The following RNF216 variants were observed in gnomAD, a reference collection of about 807,000 sequenced individuals.
RNF216 encodes the protein ring finger protein 216, also known as E3 ubiquitin-protein ligase RNF216.
A neutral mutation model predicts 110.8 loss-of-function variants in RNF216; 72 were observed. That is an observed-to-expected ratio of 0.65 (90% CI 0.54 to 0.79). RNF216 has a LOEUF of 0.79. Among genes scored for constraint, RNF216 ranks in the 30% least tolerant of loss-of-function variants. The pLI is 0.00. For synonymous variants in RNF216, 495 were observed against 407.5 expected (o/e 1.21, Z -2.59); for missense variants, 1,342 against 1,141.2 (o/e 1.18, Z -2.54).
chr7:5,696,177 T>C lies in RNF216; in HGVS notation c.2061+15584A>G, dbSNP rs1241614710. Among the ~76,000 whole-genome samples, 1 of 152,108 alleles carries C rather than the reference T, an allele frequency of 6.6e-6. No individual in the cohort carries two copies. The highest frequency in any genetic ancestry group is 2.4e-5 in the African/African-American group (1 of 41,426). On this transcript the variant is annotated intron_variant, in intron 13 of 16. Coordinates refer to ENST00000389902, the MANE Select transcript of RNF216 (RefSeq NM_207111.4). This position sits in a 1 kb window ranked among gnomAD's most constrained non-coding sequence, Gnocchi z 5.4. ...CAGTCCATGTGGTGACGAAGAGCAG[T>C]TGGTACCGCATGGCTTTAAATTGTT...
intron 4 of RNF216, among the ~76,000 whole-genome samples, 186 bp downstream of exon 4, chr7:5,740,787 T>C (rs1387702695): frequency 6.6e-6 from 1 of 151,988 alleles, no homozygotes; most frequent in African/African-American, 2.4e-5. Context: ...TTAAGTATAG[T>C]AAAGGAACCC....
At chr7:5,703,029 T>C (rs1322461641) in intron 13 of RNF216, among the ~76,000 whole-genome samples, 1 of 152,162 alleles carries the variant, frequency 6.6e-6, no homozygotes, top group Non-Finnish European at 1.5e-5. Flanking sequence ...CCTGAAGCTC[T>C]TCAGAGGGAC....
At chr7:5,717,704 T>C (rs144112683) in intron 9 of RNF216, among the ~76,000 whole-genome samples, 149 of 152,328 alleles carry the variant, frequency 9.8e-4, no homozygotes, top group Admixed American at 3.1e-3. Context: ...AAAATCCCTA[T>C]GAATTGCTGC....
intron 14 of RNF216, 105 bp downstream of exon 14, chr7:5,652,308 G>A: frequency 2.6e-6 from 2 of 780,612 alleles, no homozygotes; most frequent in Non-Finnish European, 4.5e-6. Flanking sequence ...AGACTGGGGT[G>A]GCTCAAGCGT....
chr7:5,735,958 T>C (rs1189632026), intron 5 of RNF216, among the ~76,000 whole-genome samples: 1 of 152,176 alleles, frequency 6.6e-6, no homozygotes, highest in Non-Finnish European at 1.5e-5. Context: ...CCAGACATGA[T>C]GGCGCATGCC....
chr7:5,641,897 G>A (rs1283480980), intron 14 of RNF216, among the ~76,000 whole-genome samples: 1 of 151,818 alleles, frequency 6.6e-6, no homozygotes, highest in Non-Finnish European at 1.5e-5. Flanking sequence ...GCCAGGCGTG[G>A]TAGTGCACAC....
intron 3 of RNF216, among the ~76,000 whole-genome samples, chr7:5,747,772 AAAAG>A (rs139790780): frequency 0.46 from 38,066 of 82,470 alleles, 13,346 homozygotes; most frequent in East Asian, 0.77. Context: ...AAAAAAAAAA[AAAAG>A]GGGAAAAAAA....
At chr7:5,638,311 T>A (rs997073784) in intron 15 of RNF216, among the ~76,000 whole-genome samples, 3 of 152,262 alleles carry the variant, frequency 2.0e-5, no homozygotes, top group Admixed American at 2.0e-4. Flanking sequence ...TTTTTTGGGA[T>A]ATTTAAATGG....
At chr7:5,660,920 G>A (rs1013732251) in intron 13 of RNF216, among the ~76,000 whole-genome samples, 10 of 143,630 alleles carry the variant, frequency 7.0e-5, no homozygotes, top group African/African-American at 2.7e-4. Flanking sequence ...CACAGTACTA[G>A]CTCCATGCTC....
chr7:5,703,422 C>T (rs1242031647), intron 13 of RNF216, among the ~76,000 whole-genome samples: 1 of 152,236 alleles, frequency 6.6e-6, no homozygotes, highest in Admixed American at 6.5e-5. Flanking sequence ...GCATTGATAG[C>T]TGGTCCACAC....
At chr7:5,685,559 T>C (rs1368620691) in intron 13 of RNF216, among the ~76,000 whole-genome samples, 1 of 152,170 alleles carries the variant, frequency 6.6e-6, no homozygotes, top group Non-Finnish European at 1.5e-5. Context: ...TTCTATTACT[T>C]TTTCCTCTTT....
intron 14 of RNF216, among the ~76,000 whole-genome samples, chr7:5,648,276 T>C (rs1200397291): frequency 6.6e-6 from 1 of 151,904 alleles, no homozygotes; most frequent in African/African-American, 2.4e-5. Flanking sequence ...CTGGGTAATT[T>C]TGTATTTTTA....
intron 13 of RNF216, among the ~76,000 whole-genome samples, chr7:5,660,942 G>C (rs1386668839): frequency 1.7e-5 from 2 of 120,986 alleles, no homozygotes; most frequent in African/African-American, 8.5e-5. Context: ...TGAAGCCTTA[G>C]GTTTTTTTTT....
chr7:5,656,477 C>T (rs1478947649), intron 13 of RNF216, among the ~76,000 whole-genome samples: 1 of 152,142 alleles, frequency 6.6e-6, no homozygotes. Context: ...ACTTTCTATC[C>T]CCTTGTGCCT....
chr7:5,650,609 A>G (rs1788329705), intron 14 of RNF216, among the ~76,000 whole-genome samples: 1 of 152,096 alleles, frequency 6.6e-6, no homozygotes, highest in Admixed American at 6.6e-5. Context: ...GGGTTTTCCC[A>G]ACTTCTACAG....
intron 13 of RNF216, among the ~76,000 whole-genome samples, chr7:5,710,046 G>C (rs1344348501): frequency 2.0e-5 from 3 of 152,178 alleles, no homozygotes; most frequent in Non-Finnish European, 4.4e-5. Flanking sequence ...GAGCCACTGG[G>C]CAACCAATGC....
intron 1 of RNF216, among the ~76,000 whole-genome samples, chr7:5,779,656 TAAAAAAAA>T (rs34915284): frequency 8.0e-5 from 9 of 112,542 alleles, no homozygotes; most frequent in Non-Finnish European, 1.1e-4. Context: ...CTCCGTCTCT[TAAAAAAAA>T]AAAAAAAAAA....
intron 15 of RNF216, among the ~76,000 whole-genome samples, chr7:5,633,627 T>A (rs1584345291): frequency 6.6e-6 from 1 of 152,084 alleles, no homozygotes; most frequent in African/African-American, 2.4e-5. Context: ...GGATTGCATT[T>A]TAACAGGGAG....
intron 3 of RNF216, among the ~76,000 whole-genome samples, chr7:5,752,525 G>C (rs1795385378): frequency 6.6e-6 from 1 of 152,112 alleles, no homozygotes. Context: ...GAATATCCAG[G>C]ATGATTCTGA....
Sources: gnomAD v4.1 joint callset for allele counts (sites outside exome capture counted in the v4.1 genomes callset) on GRCh38, gnomAD v4.1.1 for gene constraint, Gnocchi (gnomAD v3.1) non-coding constraint, MANE v1.5 for transcripts, NCBI Gene and HGNC (gene_info 2026-07-23, HGNC 2026-07-21) for gene names.